Variants in GPR158 observed in about 807,000 individuals in gnomAD.
The protein encoded by GPR158 is G protein-coupled receptor 158.
GPR158 carries 30 observed loss-of-function variants against 78.2 expected under a neutral mutation model. The observed-to-expected ratio is 0.38, with a 90% CI of 0.29 to 0.52. The LOEUF (loss-of-function observed/expected upper bound fraction) is 0.52, where lower values mean the gene tolerates loss of function less well. Among genes scored for constraint, GPR158 ranks in the 20% least tolerant of loss-of-function variants. GPR158 has a pLI of 0.83. For synonymous variants in GPR158, 581 were observed against 591.1 expected (o/e 0.98, Z 0.25); for missense variants, 1,463 against 1,523.5 (o/e 0.96, Z 0.66).
intron 2 of GPR158, among the ~76,000 whole-genome samples, chr10:25,351,677 A>G (rs985194770): frequency 3.3e-5 from 5 of 150,384 alleles, no homozygotes; most frequent in Admixed American, 6.6e-5. Context: ...GGTCTGGTGT[A>G]CAAGTGCTGC....
At chr10:25,340,552 T>C (rs1456053924) in intron 2 of GPR158, among the ~76,000 whole-genome samples, 6 of 152,062 alleles carry the variant, frequency 3.9e-5, no homozygotes, top group African/African-American at 1.4e-4. Flanking sequence ...AAATGGATAG[T>C]CTAGAAGAGA....
chr10:25,487,301 T>A (rs1421010384), intron 5 of GPR158, among the ~76,000 whole-genome samples: 1 of 152,316 alleles, frequency 6.6e-6, no homozygotes, highest in South Asian at 2.1e-4. Context: ...ATACCGGGAA[T>A]CTGTGCTTTG....
chr10:25,584,299 T>C (rs1837240662), intron 7 of GPR158, among the ~76,000 whole-genome samples: 1 of 152,246 alleles, frequency 6.6e-6, no homozygotes, highest in African/African-American at 2.4e-5. Context: ...ATTGCAGTGC[T>C]AGTCTGAAGT....
chr10:25,227,798 A>T (rs1287380926), intron 2 of GPR158, among the ~76,000 whole-genome samples: 1 of 152,210 alleles, frequency 6.6e-6, no homozygotes, highest in East Asian at 1.9e-4. Context: ...TTTCTAGGTG[A>T]TATGTACTAA....
At chr10:25,443,034 T>C (rs1391881978) in intron 4 of GPR158, among the ~76,000 whole-genome samples, 1 of 152,160 alleles carries the variant, frequency 6.6e-6, no homozygotes, top group Non-Finnish European at 1.5e-5. Context: ...AGTATGGTCA[T>C]GGTTGACATG....
intron 4 of GPR158, among the ~76,000 whole-genome samples, chr10:25,445,469 G>A (rs542561884): frequency 3.9e-5 from 6 of 152,140 alleles, no homozygotes; most frequent in Admixed American, 2.0e-4. Flanking sequence ...TTGGACTTAT[G>A]TATAGCAGAC....
At chr10:25,180,471 A>G (rs1852599256) in intron 1 of GPR158, among the ~76,000 whole-genome samples, 1 of 152,298 alleles carries the variant, frequency 6.6e-6, no homozygotes, top group African/African-American at 2.4e-5. Context: ...CAATTTTGTC[A>G]TTAAAAATGT....
intron 2 of GPR158, among the ~76,000 whole-genome samples, chr10:25,245,181 G>GT (rs1853672191): frequency 6.6e-6 from 1 of 152,348 alleles, no homozygotes; most frequent in East Asian, 1.9e-4. Flanking sequence ...AGGAATGCCA[G>GT]TTCACTGGAA....
chr10:25,315,851 T>C (rs1854840093), intron 2 of GPR158, among the ~76,000 whole-genome samples: 1 of 152,132 alleles, frequency 6.6e-6, no homozygotes, highest in Non-Finnish European at 1.5e-5. Flanking sequence ...ATGTCACCCT[T>C]TGCCATCTCA....
chr10:25,187,475 A>G (rs1245258969), intron 1 of GPR158, among the ~76,000 whole-genome samples: 17 of 152,328 alleles, frequency 1.1e-4, no homozygotes, highest in Admixed American at 9.8e-4. Context: ...AGGCTAGTTC[A>G]ACATACACAA....
rs77903852 is a variant in GPR158, at chr10:25,182,982, A to T, written c.902+6660A>T. Among the ~76,000 whole-genome samples, 1,048 of 152,284 alleles carry T rather than the reference A, an allele frequency of 6.9e-3. 19 individuals carry two copies. The highest frequency in any genetic ancestry group is 0.024 in the African/African-American group (994 of 41,542). On this transcript the variant is annotated intron_variant, in intron 1 of 10. Transcript: ENST00000376351. ...CTAGTACTGGGGCTATGCTTGGGAG[A>T]GTCTGCAGCCAGCAGCGTTGTGAAG... is the stretch of plus-strand genomic sequence containing the variant.
intron 4 of GPR158, among the ~76,000 whole-genome samples, chr10:25,463,281 A>T (rs1835379847): frequency 6.6e-6 from 1 of 152,116 alleles, no homozygotes; most frequent in Non-Finnish European, 1.5e-5. Flanking sequence ...CTATAGTGTA[A>T]ATTTAACTTT....
chr10:25,257,962 G>T (rs1047453189), intron 2 of GPR158, among the ~76,000 whole-genome samples: 5 of 152,092 alleles, frequency 3.3e-5, no homozygotes, highest in African/African-American at 1.2e-4. Context: ...CTGACTCTTC[G>T]AGATGGGAAT....
At chr10:25,565,230 G>C (rs1836913626) in intron 6 of GPR158, among the ~76,000 whole-genome samples, 1 of 152,114 alleles carries the variant, frequency 6.6e-6, no homozygotes, top group African/African-American at 2.4e-5. Flanking sequence ...GATTCTGTAG[G>C]GGCTTAGAAA....
At chr10:25,478,717 C>T (rs1481016489) in intron 5 of GPR158, among the ~76,000 whole-genome samples, 1 of 151,862 alleles carries the variant, frequency 6.6e-6, no homozygotes, top group Non-Finnish European at 1.5e-5. Flanking sequence ...CGTATATATA[C>T]ATGTGCCATG....
chr10:25,589,044 C>T lies in GPR158; in HGVS notation c.1791C>T (p.Cys597=). The T allele has an allele frequency of 6.2e-7, 1 of 1,607,878 alleles. No individual in the cohort carries two copies. Among genetic ancestry groups the T allele is most frequent in the Non-Finnish European group, 8.5e-7 (1 of 1,175,650 alleles). The change falls in exon 8 of 11, where the codon TGC becomes TGT. Residue 597 remains cysteine (C), a synonymous_variant. Coordinates refer to ENST00000376351, the MANE Select transcript of GPR158 (RefSeq NM_020752.3). ...TCCTCTTGTGGGGTGTTTATCTCTG[C>T]TATGCAGTGCGGACAGTCCCATCGG... ...FLFLLWGVYL[C]YAVRTVPSAF... is the part of the protein sequence containing the mutation.
intron 1 of GPR158, among the ~76,000 whole-genome samples, chr10:25,202,935 A>G (rs572388195): frequency 6.6e-6 from 1 of 152,206 alleles, no homozygotes; most frequent in South Asian, 2.1e-4. Context: ...TGACTTTTTA[A>G]TGATTGCCAT....
At chr10:25,471,904 T>C (rs866300009) in intron 5 of GPR158, among the ~76,000 whole-genome samples, 8 of 152,206 alleles carry the variant, frequency 5.3e-5, no homozygotes, top group African/African-American at 1.4e-4. Context: ...TTCTCCCATT[T>C]TGTAGGTTGC....
chr10:25,590,031 C>T (rs1837319892), intron 8 of GPR158, among the ~76,000 whole-genome samples: 1 of 151,952 alleles, frequency 6.6e-6, no homozygotes, highest in African/African-American at 2.4e-5. Flanking sequence ...GTTTCAATTC[C>T]TTTTTTGGCC....
Sources: gnomAD v4.1 joint callset for allele counts (sites outside exome capture counted in the v4.1 genomes callset) on GRCh38, gnomAD v4.1.1 for gene constraint, MANE v1.5 for transcripts, NCBI Gene and HGNC (gene_info 2026-07-23, HGNC 2026-07-21) for gene names.